Variants in MALT1 observed in about 807,000 individuals in gnomAD.
MALT1 encodes the protein mucosa-associated lymphoid tissue lymphoma translocation protein 1.
A neutral mutation model predicts 85.5 loss-of-function variants in MALT1; 36 were observed. That is an observed-to-expected ratio of 0.42 (90% CI 0.32 to 0.56). The LOEUF is 0.56. Ranked by LOEUF, MALT1 falls within the 20% of genes least tolerant of loss-of-function variation. The probability of loss-of-function intolerance (pLI) is 0.10; values close to 1 mark genes in which losing one functional copy is unlikely to be tolerated. For missense variants in MALT1, 716 were observed against 981.6 expected, an observed-to-expected ratio of 0.73 and a Z score of 3.62; for synonymous variants, 359 against 361.3, an observed-to-expected ratio of 0.99 and a Z score of 0.07.
intron 2 of MALT1, chr18:58,691,413 C>T: frequency 1.9e-6 from 1 of 514,620 alleles, no homozygotes; most frequent in South Asian, 1.8e-5. Flanking sequence ...CTCGGAGCAG[C>T]CCGTGGTTGT....
intron 10 of MALT1, among the ~76,000 whole-genome samples, chr18:58,725,407 C>T (rs571914179): frequency 4.6e-5 from 7 of 152,122 alleles, no homozygotes; most frequent in Admixed American, 3.3e-4. Flanking sequence ...ATTATGTATA[C>T]GTAAATATTC....
chr18:58,745,915 C>G, intron 16 of MALT1, 124 bp downstream of exon 16: 1 of 809,672 alleles, frequency 1.2e-6, no homozygotes. Context: ...TACAGAAGGT[C>G]CTATCAGTGA....
At chr18:58,687,418 A>G (rs916227304) in intron 2 of MALT1, among the ~76,000 whole-genome samples, 1 of 152,180 alleles carries the variant, frequency 6.6e-6, no homozygotes, top group Non-Finnish European at 1.5e-5. Context: ...AGAGAAACAT[A>G]TGTGGACATA....
intron 9 of MALT1, 67 bp from the exon 10 acceptor site, chr18:58,722,981 C>A: frequency 7.1e-6 from 7 of 989,946 alleles, no homozygotes; most frequent in Middle Eastern, 2.1e-4. Flanking sequence ...ATTATAATAC[C>A]ATCTCCATAG....
chr18:58,740,849 T>C (rs1329985652), intron 13 of MALT1, among the ~76,000 whole-genome samples: 1 of 152,192 alleles, frequency 6.6e-6, no homozygotes, highest in Non-Finnish European at 1.5e-5. Flanking sequence ...ATAATTGAGA[T>C]GTTGAAATCT....
chr18:58,721,207 C>G (rs1449510571), intron 9 of MALT1, among the ~76,000 whole-genome samples: 1 of 152,106 alleles, frequency 6.6e-6, no homozygotes, highest in Non-Finnish European at 1.5e-5. Flanking sequence ...TGGAGAAACC[C>G]CATCTCTACT....
chr18:58,714,584 A>C (rs2054874646), intron 8 of MALT1, among the ~76,000 whole-genome samples: 1 of 152,204 alleles, frequency 6.6e-6, no homozygotes, highest in African/African-American at 2.4e-5. Flanking sequence ...TGTGGGGATC[A>C]TTGGCATCGT....
chr18:58,728,408 A>G (rs1315395166), intron 10 of MALT1, among the ~76,000 whole-genome samples: 1 of 121,858 alleles, frequency 8.2e-6, no homozygotes, highest in Non-Finnish European at 1.7e-5. Context: ...GTTTGAGACC[A>G]GCCTTGGACA....
rs2055398604 is a variant in MALT1, at chr18:58,748,219, C to G, written c.*377C>G. 3.9e-6 allele frequency: 1 copy of G among 254,098 alleles called. No homozygotes were observed. The highest frequency in any genetic ancestry group is 5.1e-5 in the Admixed American group (1 of 19,598). 15.7% of individuals were successfully genotyped at this position (254,098 alleles called of 1,614,324 possible). On this transcript the variant is annotated 3_prime_UTR_variant, in exon 17 of 17. Coordinates refer to ENST00000649217, the MANE Select transcript of MALT1 (RefSeq NM_006785.4). The stretch of plus-strand genomic sequence containing the variant: ...AACCTTGCCGATCACCAGGCATAAC[C>G]TAATTTTATCCATGGAAGAAACACA...
At chr18:58,689,892 A>C (rs2054470401) in intron 2 of MALT1, among the ~76,000 whole-genome samples, 1 of 152,222 alleles carries the variant, frequency 6.6e-6, no homozygotes, top group South Asian at 2.1e-4. Context: ...AGCTTGGCTT[A>C]TAGAAGGAAG....
intron 2 of MALT1, among the ~76,000 whole-genome samples, chr18:58,687,528 TG>T (rs1738754166): frequency 6.6e-6 from 1 of 152,216 alleles, no homozygotes; most frequent in African/African-American, 2.4e-5. Context: ...TTGGGCACAC[TG>T]TAGGGCATGT....
At chr18:58,733,875 C>G in intron 11 of MALT1, 1 of 1,158,468 alleles carries the variant, frequency 8.6e-7, no homozygotes, top group Non-Finnish European at 1.1e-6. Context: ...TATAGTTATT[C>G]CCTCAGGAAT....
At chr18:58,676,180 G>A (rs2144297240) in intron 1 of MALT1, among the ~76,000 whole-genome samples, 1 of 152,230 alleles carries the variant, frequency 6.6e-6, no homozygotes, top group South Asian at 2.1e-4. Context: ...CAATATAGCA[G>A]TAAGAATTAT....
chr18:58,739,144 C>G (rs2055266777), intron 13 of MALT1, among the ~76,000 whole-genome samples: 1 of 152,078 alleles, frequency 6.6e-6, no homozygotes, highest in Non-Finnish European at 1.5e-5. Flanking sequence ...TATAGATAGT[C>G]TAACATTAAT....
chr18:58,684,497 A>G (rs1290520525), intron 2 of MALT1, among the ~76,000 whole-genome samples: 2 of 117,414 alleles, frequency 1.7e-5, no homozygotes, highest in Non-Finnish European at 3.3e-5. Flanking sequence ...CCCAGGCTGG[A>G]GTGCAATGTC....
At chr18:58,742,668 G>T (rs2055317514) in intron 14 of MALT1, among the ~76,000 whole-genome samples, 1 of 152,184 alleles carries the variant, frequency 6.6e-6, no homozygotes, top group Non-Finnish European at 1.5e-5. Flanking sequence ...AGCAGAGATT[G>T]TCCCACTGCA....
chr18:58,684,184 C>T (rs958749607), intron 2 of MALT1, among the ~76,000 whole-genome samples: 1 of 152,140 alleles, frequency 6.6e-6, no homozygotes, highest in South Asian at 2.1e-4. Flanking sequence ...TCCACCTGCC[C>T]TGGCCTCCCA....
chr18:58,726,822 G>A lies in MALT1; in HGVS notation c.1222+3571G>A, dbSNP rs931062949. Reference sequence around the variant, plus strand: ...TGCAGCTTAGTTGTGCTTTCGTGTAGAAGAACGGTAAAGGAGTCTTGTCGG... The same window carrying A: ...TGCAGCTTAGTTGTGCTTTCGTGTAAAAGAACGGTAAAGGAGTCTTGTCGG... On this transcript the variant is annotated intron_variant, in intron 10 of 16. Coordinates refer to ENST00000649217, the MANE Select transcript of MALT1 (RefSeq NM_006785.4). Among the ~76,000 whole-genome samples, 15 of 152,200 alleles carry A rather than the reference G, an allele frequency of 9.9e-5. 1 individual carries two copies. The highest frequency in any genetic ancestry group is 2.1e-4 in the Non-Finnish European group (14 of 68,036).
At chr18:58,690,783 A>G in intron 2 of MALT1, 1 of 211,040 alleles carries the variant, frequency 4.7e-6, no homozygotes, top group Non-Finnish European at 1.0e-5. Context: ...ACCGAGGCCA[A>G]GTTAATAAAA....
Sources: allele counts gnomAD v4.1 joint callset (sites outside exome capture counted in the v4.1 genomes callset), GRCh38; gene constraint gnomAD v4.1.1; transcripts MANE v1.5; gene names NCBI Gene and HGNC (gene_info 2026-07-23, HGNC 2026-07-21).